NPHP3: variants seen among roughly 807,000 people sequenced by gnomAD.
NPHP3 encodes the protein nephrocystin 3.
NPHP3 carries 123 observed loss-of-function variants against 171.9 expected under a neutral mutation model. The observed-to-expected ratio is 0.72, with a 90% CI of 0.62 to 0.83. The LOEUF (loss-of-function observed/expected upper bound fraction) is 0.83, where lower values mean the gene tolerates loss of function less well. Ranked by LOEUF, NPHP3 falls within the 40% of genes least tolerant of loss-of-function variation. The pLI is 0.00. For synonymous variants in NPHP3, 558 were observed against 579.2 expected (o/e 0.96, Z 0.52); for missense variants, 1,506 against 1,591.9 (o/e 0.95, Z 0.92).
chr3:132,712,387 T>G (rs1020119249), intron 6 of NPHP3: 3 of 456,378 alleles, frequency 6.6e-6, no homozygotes, highest in African/African-American at 4.0e-5. Flanking sequence ...AAAGGCCAGA[T>G]AGTAAACAAC....
chr3:132,717,159 T>C (rs931271787), intron 3 of NPHP3: 3 of 427,834 alleles, frequency 7.0e-6, no homozygotes, highest in Non-Finnish European at 1.3e-5. Context: ...AAGAATACAA[T>C]AAAAAAGAAA....
intron 15 of NPHP3, among the ~76,000 whole-genome samples, chr3:132,695,920 A>G (rs748807213): frequency 3.3e-5 from 5 of 152,196 alleles, no homozygotes; most frequent in Non-Finnish European, 5.9e-5. Context: ...GGCAACAGAG[A>G]GTGAGACACT....
In NPHP3 at chr3:132,681,810, A is replaced by G; in HGVS notation, c.*100T>C. Reference sequence around the variant, plus strand: ...ATAGCAGTTAAATCACACGTAGTAAAATTTCGTACAACATTTTTTTAAAGT... The same window carrying G: ...ATAGCAGTTAAATCACACGTAGTAAGATTTCGTACAACATTTTTTTAAAGT... On this transcript the variant is annotated 3_prime_UTR_variant, in exon 27 of 27. Coordinates refer to ENST00000337331, the MANE Select transcript of NPHP3 (RefSeq NM_153240.5). The G allele has an allele frequency of 9.4e-7, 1 of 1,058,660 alleles. No homozygotes were observed. The highest frequency in any genetic ancestry group is 1.6e-5 in the African/African-American group (1 of 63,932). 65.6% of individuals were successfully genotyped at this position (1,058,660 alleles called of 1,614,324 possible).
chr3:132,711,305 A>C (rs1274208973), intron 6 of NPHP3, among the ~76,000 whole-genome samples: 4 of 152,236 alleles, frequency 2.6e-5, no homozygotes, highest in Non-Finnish European at 5.9e-5. Flanking sequence ...AGAAAAGTTT[A>C]AGTAAAATAA....
chr3:132,695,068 A>T, intron 15 of NPHP3, 103 bp from the exon 16 acceptor site: 1 of 1,037,040 alleles, frequency 9.6e-7, no homozygotes, highest in East Asian at 2.4e-5. Context: ...TTGTACTGCA[A>T]CCAATAACAA....
chr3:132,688,946 T>C (rs1324401390), intron 20 of NPHP3, 55 bp from the exon 21 acceptor site: 8 of 1,613,272 alleles, frequency 5.0e-6, no homozygotes, highest in Non-Finnish European at 5.9e-6. Context: ...CTGCAAGATC[T>C]GTCATCTGAT....
chr3:132,722,034 C>A lies in NPHP3; in HGVS notation c.322G>T (p.Glu108Ter), dbSNP rs1940243340. ...YEIFRVSKNQ[E>*]LLSMGRREAK... ...TCGCGGCGGCCCATGGACAACAACTCCTGGTTCTTGCTGACGCGAAAGATC... is the reference window on the plus strand; with the variant it reads ...TCGCGGCGGCCCATGGACAACAACTACTGGTTCTTGCTGACGCGAAAGATC... The change falls in exon 1 of 27, where the codon GAG (glutamate) becomes TAG (stop). Residue 108 changes from glutamate to a stop codon, truncating the protein, a stop_gained. Transcript: ENST00000337331. LOFTEE classifies it high-confidence loss of function. 12 of 1,613,250 alleles carry A rather than the reference C, an allele frequency of 7.4e-6. No homozygotes were observed. The highest frequency in any genetic ancestry group is 1.0e-5 in the Non-Finnish European group (12 of 1,179,908).
At chr3:132,705,978 T>A (rs1939736997) in intron 7 of NPHP3, among the ~76,000 whole-genome samples, 164 bp from the exon 8 acceptor site, 1 of 152,174 alleles carries the variant, frequency 6.6e-6, no homozygotes, top group Admixed American at 6.5e-5. Flanking sequence ...ACTATTATTA[T>A]CCCCATTTTA....
intron 23 of NPHP3, 37 bp downstream of exon 23, chr3:132,686,223 G>C: frequency 1.9e-6 from 3 of 1,599,922 alleles, no homozygotes; most frequent in Non-Finnish European, 2.6e-6. Context: ...AAGAGAAAAT[G>C]GTTAATTATT....
chr3:132,707,859 T>C (rs1429592013), intron 7 of NPHP3, among the ~76,000 whole-genome samples: 1 of 152,102 alleles, frequency 6.6e-6, no homozygotes, highest in East Asian at 1.9e-4. Flanking sequence ...ATTCTGTTGC[T>C]TATAGTCCTG....
At chr3:132,714,566 ATAAAT>A (rs1560014852) in intron 5 of NPHP3, among the ~76,000 whole-genome samples, 1 of 149,258 alleles carries the variant, frequency 6.7e-6, no homozygotes, top group Admixed American at 6.6e-5. Flanking sequence ...AAAAAAAAAA[ATAAAT>A]AAATTAAATT....
At chr3:132,719,892 T>TTA (rs746910950) in intron 1 of NPHP3, 62 bp from the exon 2 acceptor site, 4 of 872,534 alleles carry the variant, frequency 4.6e-6, no homozygotes, top group Non-Finnish European at 6.5e-6. Context: ...TTTTACATTC[T>TTA]TATATATATA....
chr3:132,687,963 T>A (rs57252488), intron 21 of NPHP3, among the ~76,000 whole-genome samples: 8,344 of 152,190 alleles, frequency 0.055, 765 homozygotes, highest in African/African-American at 0.19. Context: ...ATGAAAAAAA[T>A]TTGGCTGTGT....
intron 22 of NPHP3, 52 bp from the exon 23 acceptor site, chr3:132,686,439 G>T: frequency 6.2e-7 from 1 of 1,610,742 alleles, no homozygotes; most frequent in South Asian, 1.1e-5. Flanking sequence ...TGCAATCCTT[G>T]ATTCTGAAAC....
chr3:132,696,868 T>A, intron 14 of NPHP3, 55 bp from the exon 15 acceptor site: 3 of 1,414,668 alleles, frequency 2.1e-6, no homozygotes, highest in Non-Finnish European at 3.0e-6. Context: ...ACCCTGGAAT[T>A]AAGCGGTCTT....
At chr3:132,718,766 T>C (rs1293649955) in intron 3 of NPHP3, among the ~76,000 whole-genome samples, 1 of 152,218 alleles carries the variant, frequency 6.6e-6, no homozygotes, top group Admixed American at 6.5e-5. Flanking sequence ...GGGTTAGGGT[T>C]GGCAGAGTGA....
chr3:132,696,313 AT>A (rs11339003), intron 15 of NPHP3, among the ~76,000 whole-genome samples: 60,753 of 151,956 alleles, frequency 0.4, 14,630 homozygotes, highest in East Asian at 0.76. Context: ...AAATAGAACT[AT>A]TTTTATAATT....
At chr3:132,698,885 C>G (rs986605319) in intron 13 of NPHP3, among the ~76,000 whole-genome samples, 15 of 152,066 alleles carry the variant, frequency 9.9e-5, no homozygotes, top group Non-Finnish European at 7.4e-5. Flanking sequence ...ATCTATCTAA[C>G]CTCCCCCCAA....
In NPHP3 at chr3:132,719,841, T is replaced by G; in HGVS notation, c.394-11A>C. 1.3e-6 allele frequency: 2 copies of G among 1,563,266 alleles called. No individual in the cohort carries two copies. Among genetic ancestry groups the G allele is most frequent in the Non-Finnish European group, 1.7e-6 (2 of 1,149,308 alleles). ...CGTTTTTTGAAGTGCCTAGAATAAT[T>G]TACCTTGTTATTTCCTAACAAAAAT... On this transcript the variant is annotated splice_polypyrimidine_tract_variant and intron_variant, in intron 1 of 26. Coordinates refer to ENST00000337331, the MANE Select transcript of NPHP3 (RefSeq NM_153240.5).
Sources: allele counts gnomAD v4.1 joint callset (sites outside exome capture counted in the v4.1 genomes callset), GRCh38; gene constraint gnomAD v4.1.1; transcripts MANE v1.5; gene names NCBI Gene and HGNC (gene_info 2026-07-23, HGNC 2026-07-21).